ADAM22: variants seen among roughly 807,000 people sequenced by gnomAD.
The protein encoded by ADAM22 is ADAM metallopeptidase domain 22.
ADAM22 carries 65 observed loss-of-function variants against 144.6 expected under a neutral mutation model. The observed-to-expected ratio is 0.45, with a 90% CI of 0.37 to 0.55. The LOEUF (loss-of-function observed/expected upper bound fraction) is 0.55, where lower values mean the gene tolerates loss of function less well. ADAM22 is among the 20% of genes least tolerant of loss of function. ADAM22 has a pLI of 0.00. For synonymous variants in ADAM22, 391 were observed against 412.6 expected (o/e 0.95, Z 0.63); for missense variants, 974 against 1,184.9 (o/e 0.82, Z 2.61).
chr7:88,048,034 A>G (rs1805149266), intron 3 of ADAM22, among the ~76,000 whole-genome samples: 2 of 152,146 alleles, frequency 1.3e-5, no homozygotes, highest in African/African-American at 4.8e-5. Context: ...CTCTCTGGCC[A>G]TGTTTTCTTC....
At chr7:88,017,692 C>A (rs536168335) in intron 3 of ADAM22, among the ~76,000 whole-genome samples, 49 of 152,094 alleles carry the variant, frequency 3.2e-4, no homozygotes, top group African/African-American at 1.2e-3. Flanking sequence ...CTAGTTTCTA[C>A]GTCCATCTCC....
At chr7:88,060,390 C>G (rs886914133) in intron 3 of ADAM22, among the ~76,000 whole-genome samples, 1 of 152,206 alleles carries the variant, frequency 6.6e-6, no homozygotes, top group Non-Finnish European at 1.5e-5. Flanking sequence ...ACTGCTTTAT[C>G]AGCTAAGTTT....
intron 3 of ADAM22, among the ~76,000 whole-genome samples, chr7:88,042,872 T>G (rs1474491107): frequency 6.6e-6 from 1 of 151,238 alleles, no homozygotes; most frequent in East Asian, 1.9e-4. Context: ...TCATTGATAT[T>G]TCTTCCTATT....
rs57982467 is a variant in ADAM22 at position 87,982,044 on chromosome 7, CATATATATAT to C, written c.323+3648_323+3657del. 2.4e-3 allele frequency among the ~76,000 whole-genome samples: 275 copies of C among 113,224 alleles called. 1 individual carries two copies. The highest frequency in any genetic ancestry group is 8.9e-3 in the African/African-American group (260 of 29,118). 74.3% of individuals were successfully genotyped at this position (113,224 alleles called of 152,430 possible). A position where few individuals can be genotyped will look rare whatever the true frequency, so the allele number is the denominator to read the frequency against. On this transcript the variant is annotated intron_variant, in intron 3 of 31. Coordinates refer to ENST00000413139, the MANE Select transcript of ADAM22 (RefSeq NM_001324418.2). ...TAGTTTGGAATCCTTATGTTTATTT[CATATATATAT>C]ATATATATATATATACACACACACA... is the stretch of plus-strand genomic sequence containing the variant.
chr7:88,068,404 G>A (rs906178977), intron 3 of ADAM22, among the ~76,000 whole-genome samples: 1 of 151,948 alleles, frequency 6.6e-6, no homozygotes, highest in Non-Finnish European at 1.5e-5. Context: ...TTTGATTTTC[G>A]ATTGTGAACT....
At chr7:87,953,934 A>C (rs1845928084) in intron 2 of ADAM22, among the ~76,000 whole-genome samples, 1 of 151,994 alleles carries the variant, frequency 6.6e-6, no homozygotes. Flanking sequence ...GTTGGTTTAA[A>C]GTCTGTTTTA....
intron 2 of ADAM22, among the ~76,000 whole-genome samples, chr7:87,935,535 CATT>C (rs1841046741): frequency 1.3e-5 from 2 of 152,106 alleles, no homozygotes; most frequent in Non-Finnish European, 2.9e-5. Context: ...TTTGAATCAT[CATT>C]GTTGTTGTTT....
intron 1 of ADAM22, chr7:87,934,817 T>C (rs1157182691): frequency 5.6e-6 from 4 of 709,556 alleles, no homozygotes; most frequent in Non-Finnish European, 9.3e-6. Flanking sequence ...GCCCTGCTTC[T>C]GGGCCCCGCT....
intron 3 of ADAM22, among the ~76,000 whole-genome samples, chr7:88,073,178 G>A (rs1429779164): frequency 6.6e-6 from 1 of 152,128 alleles, no homozygotes; most frequent in Non-Finnish European, 1.5e-5. Flanking sequence ...GTTTAGGAGT[G>A]GCCATATAAT....
intron 5 of ADAM22, among the ~76,000 whole-genome samples, chr7:88,113,848 C>T (rs1003861338): frequency 1.0e-4 from 15 of 149,926 alleles, no homozygotes; most frequent in African/African-American, 3.7e-4. Flanking sequence ...GCTCTGTAAA[C>T]ACGCTGATTG....
chr7:88,165,352 G>T (rs1484471705), intron 23 of ADAM22, among the ~76,000 whole-genome samples: 3 of 151,990 alleles, frequency 2.0e-5, no homozygotes, highest in Non-Finnish European at 4.4e-5. Context: ...TAGCCTTGTG[G>T]AACTTTCTTC....
chr7:88,156,912 GA>G (rs368532673), intron 22 of ADAM22, among the ~76,000 whole-genome samples: 18 of 138,432 alleles, frequency 1.3e-4, no homozygotes, highest in East Asian at 4.2e-4. Context: ...TCTGTAACAT[GA>G]AAAAAAAAAG....
chr7:88,157,648 G>A (rs1051657914), intron 22 of ADAM22, among the ~76,000 whole-genome samples: 2 of 152,082 alleles, frequency 1.3e-5, no homozygotes, highest in African/African-American at 2.4e-5. Context: ...ATAGTGAGGC[G>A]AAAGTCAAGA....
intron 3 of ADAM22, among the ~76,000 whole-genome samples, chr7:88,006,094 T>C (rs1010781627): frequency 4.6e-5 from 7 of 152,184 alleles, no homozygotes; most frequent in Non-Finnish European, 1.0e-4. Context: ...TTCTAGTTCT[T>C]TTAATCACTT....
At chr7:88,156,982 G>A (rs1458049358) in intron 22 of ADAM22, among the ~76,000 whole-genome samples, 2 of 151,870 alleles carry the variant, frequency 1.3e-5, no homozygotes, top group Non-Finnish European at 2.9e-5. Flanking sequence ...ATATTTATGA[G>A]AGATAAGAGA....
chr7:88,040,226 G>A (rs1302610084), intron 3 of ADAM22, among the ~76,000 whole-genome samples: 1 of 151,948 alleles, frequency 6.6e-6, no homozygotes, highest in East Asian at 1.9e-4. Flanking sequence ...CCATCTCTTA[G>A]GTTCAAGCTA....
intron 3 of ADAM22, among the ~76,000 whole-genome samples, chr7:88,031,330 A>G (rs758123771): frequency 3.9e-5 from 6 of 152,170 alleles, no homozygotes; most frequent in Non-Finnish European, 5.9e-5. Flanking sequence ...GAAGAGAGGA[A>G]GATGAGAGAA....
At chr7:87,941,299 T>C (rs1470648004) in intron 2 of ADAM22, among the ~76,000 whole-genome samples, 1 of 152,186 alleles carries the variant, frequency 6.6e-6, no homozygotes, top group Non-Finnish European at 1.5e-5. Context: ...GGCAGCAAGA[T>C]GGCAAGCAGT....
rs1246237143 is a variant in ADAM22, at chr7:88,198,013, A to G, written c.*1522A>G. ...AATGGCAGATCTGTCATTCCAAAAG[A>G]AAGCTAGCTACCCTAGTGAGGCTGG... is the stretch of plus-strand genomic sequence containing the variant. On this transcript the variant is annotated 3_prime_UTR_variant, in exon 32 of 32. Coordinates refer to ENST00000413139, the MANE Select transcript of ADAM22 (RefSeq NM_001324418.2). 6.6e-6 allele frequency: 1 copy of G among 152,186 alleles called. No individual in the cohort carries two copies. Among genetic ancestry groups the G allele is most frequent in the Non-Finnish European group, 1.5e-5 (1 of 68,034 alleles). 9.4% of individuals were successfully genotyped at this position (152,186 alleles called of 1,614,324 possible). A position where few individuals can be genotyped will look rare whatever the true frequency, so the allele number is the denominator to read the frequency against.
Sources: gnomAD v4.1 joint callset for allele counts (sites outside exome capture counted in the v4.1 genomes callset) on GRCh38, gnomAD v4.1.1 for gene constraint, MANE v1.5 for transcripts, NCBI Gene and HGNC (gene_info 2026-07-23, HGNC 2026-07-21) for gene names.